The following CAST variants were observed in gnomAD, a reference collection of about 807,000 sequenced individuals.
CAST encodes calpastatin, also known as MIR583 host.
A neutral mutation model predicts 119.6 loss-of-function variants in CAST; 76 were observed. The observed-to-expected ratio is 0.64, with a 90% CI of 0.53 to 0.77. The LOEUF (loss-of-function observed/expected upper bound fraction) is 0.77. Among genes scored for constraint, CAST ranks in the 30% least tolerant of loss-of-function variants. The pLI, the probability that CAST is intolerant of heterozygous loss-of-function variation, is 0.00. For synonymous variants in CAST, 319 were observed against 331.6 expected (o/e 0.96, Z 0.41); for missense variants, 953 against 946.5 (o/e 1.01, Z -0.09).
chr5:96,698,220 AC>A (rs903151651), intron 3 of CAST, among the ~76,000 whole-genome samples: 4 of 152,104 alleles, frequency 2.6e-5, no homozygotes, highest in African/African-American at 9.7e-5. Flanking sequence ...CGTAGAAGTT[AC>A]CCTATTTTTC....
chr5:96,175,276 G>C, the CAST span, among the ~76,000 whole-genome samples: 117 of 152,162 alleles, frequency 7.7e-4, no homozygotes, highest in African/African-American at 2.7e-3. Flanking sequence ...GAAGTACAAG[G>C]GACTTTCAGT....
At chr5:96,469,927 A>C in the CAST span, among the ~76,000 whole-genome samples, 1 of 146,314 alleles carries the variant, frequency 6.8e-6, no homozygotes. Flanking sequence ...AAATTGTCCA[A>C]GGAAGATACA....
the CAST span, among the ~76,000 whole-genome samples, chr5:96,088,205 A>C: frequency 1.3e-5 from 2 of 152,216 alleles, no homozygotes; most frequent in Non-Finnish European, 2.9e-5. Flanking sequence ...GCACACACTC[A>C]AAAAATAAAG....
At chr5:96,365,365 T>G in the CAST span, among the ~76,000 whole-genome samples, 1 of 152,220 alleles carries the variant, frequency 6.6e-6, no homozygotes, top group Non-Finnish European at 1.5e-5. Flanking sequence ...CTGAGTTCAA[T>G]TCCCAGATAT....
At chr5:96,423,198 C>T in the CAST span, 1 of 1,000,200 alleles carries the variant, frequency 1.0e-6, no homozygotes, top group Non-Finnish European at 1.5e-6. Context: ...AACCTTGGCC[C>T]ATAATCCCAG....
chr5:96,026,382 A>G, the CAST span, among the ~76,000 whole-genome samples: 1 of 152,206 alleles, frequency 6.6e-6, no homozygotes, highest in African/African-American at 2.4e-5. Flanking sequence ...TTGGATCTGG[A>G]AAACAGAGAC....
the CAST span, among the ~76,000 whole-genome samples, chr5:96,478,688 C>T: frequency 2.0e-5 from 3 of 152,294 alleles, no homozygotes; most frequent in African/African-American, 7.2e-5. Context: ...TCTCTTGTTT[C>T]GAACATCTGA....
the CAST span, chr5:95,961,467 G>A: frequency 7.7e-7 from 1 of 1,297,904 alleles, no homozygotes; most frequent in South Asian, 2.1e-5. Flanking sequence ...GGGCGCTGAC[G>A]GTAGCAGCTG....
chr5:96,310,581 G>C, the CAST span, among the ~76,000 whole-genome samples: 1 of 150,254 alleles, frequency 6.7e-6, no homozygotes, highest in Non-Finnish European at 1.5e-5. Flanking sequence ...TTTTAAATGG[G>C]AGACTATGGA....
At chr5:96,740,219 G>A in intron 12 of CAST, 101 bp downstream of exon 12, 3 of 641,558 alleles carry the variant, frequency 4.7e-6, no homozygotes, top group East Asian at 5.8e-5. Flanking sequence ...AAATATAATG[G>A]TGCTTGTGAA....
the CAST span, among the ~76,000 whole-genome samples, chr5:96,159,486 G>T: frequency 4.6e-5 from 7 of 152,164 alleles, no homozygotes; most frequent in Admixed American, 6.5e-5. Context: ...CAAAGAAAAA[G>T]CTAGTAACTT....
the CAST span, among the ~76,000 whole-genome samples, chr5:96,443,703 A>C: frequency 6.6e-6 from 1 of 152,226 alleles, no homozygotes; most frequent in African/African-American, 2.4e-5. Flanking sequence ...TTGGTGTGGC[A>C]TGGGTCACAC....
intron 1 of CAST, among the ~76,000 whole-genome samples, chr5:96,604,134 T>G (rs1385590103): frequency 6.6e-6 from 1 of 152,168 alleles, no homozygotes; most frequent in African/African-American, 2.4e-5. Flanking sequence ...AGTAATGCAT[T>G]GTGCTACAAT....
At chr5:96,616,516 T>G (rs879578750) in intron 1 of CAST, among the ~76,000 whole-genome samples, 3 of 152,154 alleles carry the variant, frequency 2.0e-5, no homozygotes, top group African/African-American at 4.8e-5. Context: ...GTATTGCTAA[T>G]TAACTTGCAT....
the CAST span, among the ~76,000 whole-genome samples, chr5:96,134,575 GGT>G: frequency 2.8e-4 from 42 of 152,326 alleles, 1 homozygote; most frequent in East Asian, 6.2e-3. Flanking sequence ...TAGGAAGTCT[GGT>G]GTGGAAGCAA....
At chr5:96,276,874 T>A in the CAST span, among the ~76,000 whole-genome samples, 3 of 152,348 alleles carry the variant, frequency 2.0e-5, no homozygotes, top group African/African-American at 7.2e-5. Context: ...GCTTTTGTTC[T>A]ATGTATGTAT....
intron 1 of CAST, among the ~76,000 whole-genome samples, chr5:96,639,628 A>G (rs1049406067): frequency 1.3e-5 from 2 of 152,200 alleles, no homozygotes; most frequent in Non-Finnish European, 2.9e-5. Flanking sequence ...CCCCGGGAGG[A>G]GGGCCCTCTC....
the CAST span, among the ~76,000 whole-genome samples, chr5:96,270,908 C>T: frequency 6.6e-6 from 1 of 151,630 alleles, no homozygotes; most frequent in African/African-American, 2.4e-5. Flanking sequence ...AAATAAACTG[C>T]TAGAATGGAT....
chr5:96,188,239 A>C, the CAST span, among the ~76,000 whole-genome samples: 1 of 152,248 alleles, frequency 6.6e-6, no homozygotes, highest in Non-Finnish European at 1.5e-5. Flanking sequence ...ATCTATAAAA[A>C]TATTTAGTAG....
Sources: gnomAD v4.1 joint callset for allele counts (sites outside exome capture counted in the v4.1 genomes callset) on GRCh38, gnomAD v4.1.1 for gene constraint, MANE v1.5 for transcripts, NCBI Gene and HGNC (gene_info 2026-07-23, HGNC 2026-07-21) for gene names.